Variants in PAAF1 observed in about 807,000 individuals in gnomAD.
The protein encoded by PAAF1 is proteasomal ATPase associated factor 1.
Under a neutral mutation model 52.8 loss-of-function variants are expected in PAAF1, and 46 were observed. The observed-to-expected ratio is 0.87, with a 90% CI of 0.69 to 1.11. The LOEUF is 1.11. PAAF1 is among the 50% of genes most tolerant of loss of function. The pLI is 0.00. For synonymous variants in PAAF1, 178 were observed against 172.8 expected (o/e 1.03, Z -0.24); for missense variants, 424 against 477.4 (o/e 0.89, Z 1.04).
intron 4 of PAAF1, among the ~76,000 whole-genome samples, chr11:73,897,995 A>G (rs1167852931): frequency 1.3e-5 from 2 of 152,184 alleles, no homozygotes; most frequent in Non-Finnish European, 2.9e-5. Flanking sequence ...AGCCCAGCCA[A>G]CACAGCGAAT....
intron 4 of PAAF1, among the ~76,000 whole-genome samples, chr11:73,896,275 G>GTTTCTTTT (rs770027256): frequency 7.6e-6 from 1 of 132,390 alleles, no homozygotes; most frequent in Non-Finnish European, 1.6e-5. Flanking sequence ...TTTTTACGAT[G>GTTTCTTTT]TTTCTTTTTT....
intron 1 of PAAF1, 81 bp downstream of exon 1, chr11:73,877,149 G>C: frequency 7.2e-7 from 1 of 1,383,902 alleles, no homozygotes; most frequent in Non-Finnish European, 9.6e-7. Flanking sequence ...GCCTGGTCCA[G>C]GATATCAATA....
chr11:73,915,931 A>C (rs1226323672), intron 8 of PAAF1, among the ~76,000 whole-genome samples: 1 of 152,108 alleles, frequency 6.6e-6, no homozygotes, highest in African/African-American at 2.4e-5. Context: ...TTGAGTTTCC[A>C]TGCTGGCTTT....
chr11:73,885,381 A>T (rs1949033888), intron 2 of PAAF1, among the ~76,000 whole-genome samples: 1 of 151,068 alleles, frequency 6.6e-6, no homozygotes, highest in Non-Finnish European at 1.5e-5. Context: ...TGACCTTGTG[A>T]TCCACCCACC....
At chr11:73,906,068 C>G (rs1949744360) in intron 6 of PAAF1, among the ~76,000 whole-genome samples, 1 of 152,112 alleles carries the variant, frequency 6.6e-6, no homozygotes, top group African/African-American at 2.4e-5. Context: ...ACTCAAAATA[C>G]TTTAGTGACC....
At chr11:73,917,394 C>T (rs560939435) in intron 9 of PAAF1, among the ~76,000 whole-genome samples, 1 of 152,308 alleles carries the variant, frequency 6.6e-6, no homozygotes, top group East Asian at 1.9e-4. Flanking sequence ...TCTAAACAGG[C>T]TTTTCTTTGG....
intron 2 of PAAF1, among the ~76,000 whole-genome samples, chr11:73,881,642 T>A (rs1948911525): frequency 6.6e-6 from 1 of 152,070 alleles, no homozygotes; most frequent in South Asian, 2.1e-4. Flanking sequence ...AAACTTAATG[T>A]TGTTGTTGTT....
chr11:73,916,288 T>C (rs1172489497), intron 8 of PAAF1, among the ~76,000 whole-genome samples: 1 of 151,718 alleles, frequency 6.6e-6, no homozygotes, highest in Non-Finnish European at 1.5e-5. Context: ...TGTTGAGTGG[T>C]AGTAGTTGGA....
At chr11:73,917,201 A>T (rs536360537) in intron 9 of PAAF1, among the ~76,000 whole-genome samples, 2 of 152,106 alleles carry the variant, frequency 1.3e-5, no homozygotes, top group South Asian at 4.2e-4. Flanking sequence ...TTGTATATTT[A>T]GTAGAGACAG....
intron 7 of PAAF1, among the ~76,000 whole-genome samples, chr11:73,911,456 T>C (rs1949926492): frequency 6.6e-6 from 1 of 152,036 alleles, no homozygotes; most frequent in South Asian, 2.1e-4. Flanking sequence ...GTGCTAGGAT[T>C]ACAAGCATGA....
At chr11:73,911,594 G>C (rs1460366418) in intron 7 of PAAF1, among the ~76,000 whole-genome samples, 1 of 150,064 alleles carries the variant, frequency 6.7e-6, no homozygotes, top group Non-Finnish European at 1.5e-5. Flanking sequence ...GACTGAAATG[G>C]CTGTTGTTAA....
In PAAF1 at chr11:73,899,164, T is replaced by A. The variant is rs1324437528; in HGVS notation, c.301T>A (p.Ser101Thr). 1 of 1,613,890 alleles carries A rather than the reference T, an allele frequency of 6.2e-7. No individual in the cohort carries two copies. The highest frequency in any genetic ancestry group is 8.5e-7 in the Non-Finnish European group (1 of 1,179,908). ...TGAACAGATAACATGCCTGGACATT[T>A]CCAGCAGAGGAGGTCTTGGTGTGTC... ...HTKSITCLDI[S>T]SRGGLGVSSS... The change falls in exon 5 of 12, where the codon TCC becomes ACC. Residue 101 changes from serine (S) to threonine (T), a missense_variant. Coordinates refer to ENST00000310571, the MANE Select transcript of PAAF1 (RefSeq NM_025155.3).
intron 10 of PAAF1, among the ~76,000 whole-genome samples, chr11:73,922,359 G>A (rs937391192): frequency 2.6e-5 from 4 of 152,100 alleles, no homozygotes; most frequent in Non-Finnish European, 5.9e-5. Context: ...ATAAGAGAAA[G>A]TTATCAGAAA....
intron 7 of PAAF1, among the ~76,000 whole-genome samples, chr11:73,913,667 G>A (rs1228904262): frequency 2.0e-5 from 3 of 148,888 alleles, no homozygotes; most frequent in East Asian, 1.9e-4. Context: ...AATAGTGTGT[G>A]ATGTCATCAC....
At chr11:73,877,103 G>C in intron 1 of PAAF1, 35 bp downstream of exon 1, 2 of 1,499,912 alleles carry the variant, frequency 1.3e-6, no homozygotes, top group Non-Finnish European at 1.8e-6. Flanking sequence ...CAGAGGAGGC[G>C]GGTAGTGGAT....
chr11:73,900,632 T>C (rs200477261), intron 6 of PAAF1, among the ~76,000 whole-genome samples: 4 of 152,204 alleles, frequency 2.6e-5, no homozygotes, highest in African/African-American at 4.8e-5. Flanking sequence ...GTTGGTTTGA[T>C]ACCTAAAGCC....
chr11:73,908,401 G>GTGTGTATATATATATGTA (rs1565143969), intron 6 of PAAF1, among the ~76,000 whole-genome samples: 7 of 146,566 alleles, frequency 4.8e-5, no homozygotes, highest in Non-Finnish European at 7.4e-5. Context: ...ATATATATGT[G>GTGTGTATATATATATGTA]TATATATATG....
At chr11:73,906,796 T>C (rs1949769885) in intron 6 of PAAF1, among the ~76,000 whole-genome samples, 1 of 152,166 alleles carries the variant, frequency 6.6e-6, no homozygotes, top group African/African-American at 2.4e-5. Context: ...GCTGTAGAGT[T>C]TTTGTCAAGG....
chr11:73,914,520 A>G lies in PAAF1; in HGVS notation c.819+16A>G, dbSNP rs780506637. 1.9e-6 allele frequency: 3 copies of G among 1,612,636 alleles called. No individual in the cohort carries two copies. The highest frequency in any genetic ancestry group is 3.3e-5 in the Admixed American group (2 of 59,986). On this transcript the variant is annotated intron_variant, in intron 8 of 11. Transcript: ENST00000310571. ...CAGGCAGCTGGCAAGTGGTTCCTAT[A>G]TGACCTTTGAACTCTGAGGCAACCT...
Sources: gnomAD v4.1 joint callset for allele counts (sites outside exome capture counted in the v4.1 genomes callset) on GRCh38, gnomAD v4.1.1 for gene constraint, MANE v1.5 for transcripts, NCBI Gene and HGNC (gene_info 2026-07-23, HGNC 2026-07-21) for gene names.